Variants in BROX observed in about 807,000 individuals in gnomAD.
BROX encodes BRO1 domain-containing protein BROX.
Under a neutral mutation model 61.0 loss-of-function variants are expected in BROX, and 53 were observed. The observed-to-expected ratio is 0.87, with a 90% CI of 0.70 to 1.09. The LOEUF is 1.09. BROX is among the 50% of genes least tolerant of loss of function. The pLI is 0.00. For synonymous variants in BROX, 152 were observed against 160.2 expected, an observed-to-expected ratio of 0.95 and a Z score of 0.38; for missense variants, 489 against 472.0, an observed-to-expected ratio of 1.04 and a Z score of -0.33.
chr1:222,714,948 CTT>C (rs752990303), intron 1 of BROX, among the ~76,000 whole-genome samples: 1 of 152,096 alleles, frequency 6.6e-6, no homozygotes, highest in Non-Finnish European at 1.5e-5. Context: ...TAAAAATATT[CTT>C]TAGGTATTTT....
Position 222,712,699 on chromosome 1 carries a change from G to T in BROX, c.-260G>T, listed in dbSNP as rs1410404881. 7.7e-7 allele frequency: 1 copy of T among 1,293,528 alleles called. No individual in the cohort carries two copies. 80.1% of individuals were successfully genotyped at this position (1,293,528 alleles called of 1,614,324 possible). A position where few individuals can be genotyped will look rare whatever the true frequency, so the allele number is the denominator to read the frequency against. On this transcript the variant is annotated 5_prime_UTR_variant, in exon 1 of 13. The change abolishes an upstream ATG in the 5' untranslated region. Transcript: ENST00000340934. ...GAGGGAGAAGTTAGAAAGGGATGATGAACGAAGCGTTTTGAGGGGACTGCA... is the reference window on the plus strand; with the variant it reads ...GAGGGAGAAGTTAGAAAGGGATGATTAACGAAGCGTTTTGAGGGGACTGCA...
At chr1:222,712,979 T>TC in intron 1 of BROX, 37 bp downstream of exon 1, 2 of 1,175,370 alleles carry the variant, frequency 1.7e-6, no homozygotes, top group Non-Finnish European at 2.1e-6. Flanking sequence ...CTCAGTAATA[T>TC]CCCCCGCTAC....
At chr1:222,714,194 A>G (rs1656342698) in intron 1 of BROX, among the ~76,000 whole-genome samples, 5 of 149,978 alleles carry the variant, frequency 3.3e-5, no homozygotes, top group Admixed American at 3.3e-4. Context: ...AAGGACATTT[A>G]GACAAGACAT....
chr1:222,729,891 C>G (rs1474653444), intron 10 of BROX, 136 bp from the exon 11 acceptor site: 5 of 1,007,318 alleles, frequency 5.0e-6, no homozygotes, highest in Middle Eastern at 2.6e-4. Flanking sequence ...CTTCTACTTA[C>G]AGTATTATTA....
At chr1:222,720,858 T>TCA (rs1312058726) in intron 4 of BROX, among the ~76,000 whole-genome samples, 1 of 152,186 alleles carries the variant, frequency 6.6e-6, no homozygotes, top group African/African-American at 2.4e-5. Context: ...TAACCTTTTT[T>TCA]CAGCAGTTTT....
chr1:222,730,373 A>C (rs1249739231), intron 11 of BROX, among the ~76,000 whole-genome samples, 196 bp downstream of exon 11: 2 of 152,142 alleles, frequency 1.3e-5, no homozygotes, highest in Non-Finnish European at 2.9e-5. Context: ...AGGAGGGTGA[A>C]TCCCTTAAGC....
chr1:222,719,952 C>T (rs1656943212), intron 4 of BROX, among the ~76,000 whole-genome samples: 1 of 152,128 alleles, frequency 6.6e-6, no homozygotes, highest in African/African-American at 2.4e-5. Flanking sequence ...TGTTTTTCAA[C>T]ACCATTTTGT....
At chr1:222,714,012 A>G (rs1656319506) in intron 1 of BROX, 1 of 152,186 alleles carries the variant, frequency 6.6e-6, no homozygotes, top group Non-Finnish European at 1.5e-5. Flanking sequence ...CATACACTGT[A>G]CAGCCACCAT....
Position 222,712,920 on chromosome 1 carries a change from C to A in BROX, c.-39C>A. ...TGCCCTTCTTCCCTTAGAAGAACTGCTGAACCGACTCTGAGAAATTTGGTA... is the reference window on the plus strand; with the variant it reads ...TGCCCTTCTTCCCTTAGAAGAACTGATGAACCGACTCTGAGAAATTTGGTA... On this transcript the variant is annotated 5_prime_UTR_variant, in exon 1 of 13. In the 5' UTR this introduces an upstream ATG that the reference lacks. Coordinates refer to ENST00000340934, the MANE Select transcript of BROX (RefSeq NM_144695.4). The A allele has an allele frequency of 8.3e-7, 1 of 1,200,658 alleles. No homozygotes were observed. The highest frequency in any genetic ancestry group is 1.1e-6 in the Non-Finnish European group (1 of 942,410). 74.4% of individuals were successfully genotyped at this position (1,200,658 alleles called of 1,614,324 possible).
chr1:222,734,084 T>C lies in BROX; in HGVS notation c.*1370T>C, dbSNP rs1301455722. Reference sequence around the variant, plus strand: ...GATCTTAAAAATAGATTGTAACATTTTAAACAATTAGTTTAGTAATTTGGG... The same window carrying C: ...GATCTTAAAAATAGATTGTAACATTCTAAACAATTAGTTTAGTAATTTGGG... On this transcript the variant is annotated 3_prime_UTR_variant, in exon 13 of 13. Coordinates refer to ENST00000340934, the MANE Select transcript of BROX (RefSeq NM_144695.4). 1 of 152,250 alleles carries C rather than the reference T, an allele frequency of 6.6e-6. No individual in the cohort carries two copies. The highest frequency in any genetic ancestry group is 1.5e-5 in the Non-Finnish European group (1 of 68,034). 9.4% of individuals were successfully genotyped at this position (152,250 alleles called of 1,614,324 possible).
Position 222,725,593 on chromosome 1 carries a change from C to T in BROX, c.580+38C>T, listed in dbSNP as rs780860843. 17 of 1,471,948 alleles carry T rather than the reference C, an allele frequency of 1.2e-5. No individual in the cohort carries two copies. The African/African-American group carries it at 2.0e-4, about 17-fold the overall frequency. The allele number at this position is 1,471,948 out of a possible 1,614,324, so 91.2% of individuals were successfully genotyped here. On this transcript the variant is annotated intron_variant, in intron 7 of 12. Coordinates refer to ENST00000340934, the MANE Select transcript of BROX (RefSeq NM_144695.4). Reference sequence around the variant, plus strand: ...TTGTAAGATTTTTTTAAATGAAAGTCTATATTGTCATTGAATTCCTCTTTA... The same window carrying T: ...TTGTAAGATTTTTTTAAATGAAAGTTTATATTGTCATTGAATTCCTCTTTA...
chr1:222,727,538 G>A (rs539670494), intron 8 of BROX, among the ~76,000 whole-genome samples: 1 of 152,120 alleles, frequency 6.6e-6, no homozygotes, highest in African/African-American at 2.4e-5. Flanking sequence ...CTATGCTTTA[G>A]ACAAGAATCC....
rs777921341 is a variant in BROX at position 222,730,040 on chromosome 1, A to G, written c.852A>G (p.Ala284=). The change falls in exon 11 of 13, where the codon GCA becomes GCG. Residue 284 remains alanine (A), a synonymous_variant. Coordinates refer to ENST00000340934, the MANE Select transcript of BROX (RefSeq NM_144695.4). ...LQEAEKLYAK[A]EALCKEYGET... is the part of the protein sequence containing the mutation. ...TTTCACATGCAGTGTATGCAAAGGC[A>G]GAAGCACTGTGTAAAGAATATGGAG... 2 of 1,607,816 alleles carry G rather than the reference A, an allele frequency of 1.2e-6. No individual in the cohort carries two copies. The highest frequency in any genetic ancestry group is 1.1e-5 in the South Asian group (1 of 89,416).
chr1:222,728,966 A>C (rs1445726929), intron 9 of BROX, 138 bp downstream of exon 9: 1 of 550,996 alleles, frequency 1.8e-6, no homozygotes, highest in East Asian at 2.8e-5. Context: ...ATGTTCACTG[A>C]GAGTCAGTGC....
At position 222,722,476 on chromosome 1, in the gene BROX, G is replaced by T; in HGVS notation, c.363G>T (p.Trp121Cys). ...CCATGGGATTTAATGTAGCTTTATG[G>T]TATACCAAATATGCTTCAAGACTGG... ...LISMGFNVAL[W>C]YTKYASRLAG... The change falls in exon 5 of 13, where the codon TGG becomes TGT. Residue 121 changes from tryptophan to cysteine, a missense_variant. By Grantham distance (215) the Trp-to-Cys change is radical. Transcript: ENST00000340934. 2.5e-6 allele frequency: 4 copies of T among 1,613,480 alleles called. No individual in the cohort carries two copies. Among genetic ancestry groups the T allele is most frequent in the Non-Finnish European group, 3.4e-6 (4 of 1,179,578 alleles).
chr1:222,731,307 C>T, intron 11 of BROX, 50 bp from the exon 12 acceptor site: 1 of 1,477,924 alleles, frequency 6.8e-7, no homozygotes, highest in South Asian at 1.3e-5. Flanking sequence ...ATATTAGGCA[C>T]TCAAATAACG....
At chr1:222,722,116 G>A (rs754242720) in intron 4 of BROX, among the ~76,000 whole-genome samples, 3 of 152,102 alleles carry the variant, frequency 2.0e-5, no homozygotes, top group East Asian at 1.9e-4. Context: ...CAGGCTTTCC[G>A]ACTCTGGGAT....
chr1:222,717,077 T>C (rs958867762), intron 2 of BROX, among the ~76,000 whole-genome samples: 11 of 152,228 alleles, frequency 7.2e-5, no homozygotes, highest in African/African-American at 2.7e-4. Flanking sequence ...GGCTTATTAA[T>C]CTAAACCAAT....
At chr1:222,721,427 CA>C (rs1318326984) in intron 4 of BROX, among the ~76,000 whole-genome samples, 1 of 145,294 alleles carries the variant, frequency 6.9e-6, no homozygotes, top group Non-Finnish European at 1.5e-5. Context: ...TATCTTAAGA[CA>C]GGGGCAACAA....
Sources: allele counts gnomAD v4.1 joint callset (sites outside exome capture counted in the v4.1 genomes callset), GRCh38; gene constraint gnomAD v4.1.1; transcripts MANE v1.5; gene names NCBI Gene and HGNC (gene_info 2026-07-23, HGNC 2026-07-21).